The following TTLL11 variants were observed in gnomAD, a reference collection of about 807,000 sequenced individuals.
TTLL11 encodes the protein tubulin polyglutamylase TTLL11.
A neutral mutation model predicts 51.7 loss-of-function variants in TTLL11; 42 were observed. The observed-to-expected ratio is 0.81, with a 90% CI of 0.64 to 1.05. The LOEUF is 1.05. Among genes scored for constraint, TTLL11 ranks in the 50% least tolerant of loss-of-function variants. The probability of loss-of-function intolerance (pLI) is 0.00; values close to 1 mark genes in which losing one functional copy is unlikely to be tolerated. For synonymous variants in TTLL11, 381 were observed against 383.5 expected (o/e 0.99, Z 0.08); for missense variants, 799 against 940.4 (o/e 0.85, Z 1.97).
At chr9:121,982,801 G>C (rs991137820) in intron 4 of TTLL11, among the ~76,000 whole-genome samples, 30 of 152,162 alleles carry the variant, frequency 2.0e-4, no homozygotes, top group South Asian at 4.2e-4. Context: ...AAGAACAAAG[G>C]CCTCTTCCAA....
intron 6 of TTLL11, among the ~76,000 whole-genome samples, chr9:121,886,915 C>T (rs79837373): frequency 1.2e-3 from 183 of 152,326 alleles, no homozygotes; most frequent in African/African-American, 4.1e-3. Flanking sequence ...TCAGAACCCA[C>T]GAGCCAGAAG....
At chr9:122,074,583 G>C (rs748634881) in intron 1 of TTLL11, among the ~76,000 whole-genome samples, 15 of 151,948 alleles carry the variant, frequency 9.9e-5, no homozygotes, top group Admixed American at 6.6e-4. Context: ...AGTATGTATT[G>C]TTCCCCTTTG....
At chr9:121,907,250 G>A (rs1457974661) in intron 6 of TTLL11, among the ~76,000 whole-genome samples, 1 of 152,058 alleles carries the variant, frequency 6.6e-6, no homozygotes, top group Non-Finnish European at 1.5e-5. Flanking sequence ...AGGGGTTCGA[G>A]ACCAGCCTGA....
chr9:122,006,340 C>CAAAAA lies in TTLL11; in HGVS notation c.694-16575_694-16571dup, dbSNP rs5900505. Among the ~76,000 whole-genome samples the CAAAAA allele has an allele frequency of 1.8e-3, 254 of 138,930 alleles. 2 individuals carry two copies. The highest frequency in any genetic ancestry group is 6.2e-3 in the African/African-American group (237 of 38,378). 91.1% of individuals were successfully genotyped at this position (138,930 alleles called of 152,430 possible). A position where few individuals can be genotyped will look rare whatever the true frequency, so the allele number is the denominator to read the frequency against. Reference sequence around the variant, plus strand: ...CCTGGGTAACAGAGTGAGACTATCTCAAAAAAAAAAAAAGAATTATGTAAA... The same window carrying CAAAAA: ...CCTGGGTAACAGAGTGAGACTATCTCAAAAAAAAAAAAAAAAAAGAATTATGTAAA... On this transcript the variant is annotated intron_variant, in intron 3 of 8. Coordinates refer to ENST00000321582, the MANE Select transcript of TTLL11 (RefSeq NM_001139442.2).
chr9:121,998,297 G>GT (rs748784657), intron 3 of TTLL11, among the ~76,000 whole-genome samples: 8 of 151,818 alleles, frequency 5.3e-5, no homozygotes, highest in South Asian at 2.1e-4. Flanking sequence ...TGTTTGTTTT[G>GT]TTTTTTTGAG....
chr9:121,932,328 C>T (rs143477857), intron 6 of TTLL11, among the ~76,000 whole-genome samples: 2 of 152,302 alleles, frequency 1.3e-5, no homozygotes, highest in Admixed American at 6.5e-5. Flanking sequence ...TTTCTAAGAA[C>T]ACTGTATTCT....
rs866366344 is a variant in TTLL11, at chr9:122,017,587, C to T, written c.693+14136G>A. ...AAACAATTCTCCTGCCTCAGCCTCC[C>T]GAGTAGCTGGGATTACAGGCACCCA... On this transcript the variant is annotated intron_variant, in intron 3 of 8. Transcript: ENST00000321582. Among the ~76,000 whole-genome samples the T allele has an allele frequency of 2.6e-5, 4 of 151,712 alleles. No homozygotes were observed. In the East Asian group the frequency reaches 5.8e-4, roughly 22 times the overall value.
intron 6 of TTLL11, among the ~76,000 whole-genome samples, chr9:121,918,738 A>G (rs1262693398): frequency 6.6e-6 from 1 of 152,278 alleles, no homozygotes; most frequent in Non-Finnish European, 1.5e-5. Context: ...CACAGAATGT[A>G]GAAATAAACT....
chr9:122,037,773 T>C (rs1844743234), intron 2 of TTLL11, among the ~76,000 whole-genome samples: 1 of 152,194 alleles, frequency 6.6e-6, no homozygotes, highest in South Asian at 2.1e-4. Context: ...AGAGAAATGC[T>C]TGACACTGAC....
At chr9:122,092,576 C>A in intron 1 of TTLL11, 111 bp downstream of exon 1, 1 of 1,470,844 alleles carries the variant, frequency 6.8e-7, no homozygotes, top group South Asian at 1.4e-5. Context: ...GCGTGGTGCA[C>A]CGCAGGAGCT....
At chr9:122,006,968 C>T (rs1161990348) in intron 3 of TTLL11, among the ~76,000 whole-genome samples, 1 of 109,232 alleles carries the variant, frequency 9.2e-6, no homozygotes, top group Non-Finnish European at 1.7e-5. Flanking sequence ...GGTGGCAGAG[C>T]GAGATACTCT....
intron 6 of TTLL11, among the ~76,000 whole-genome samples, chr9:121,914,214 G>T (rs1840242320): frequency 6.6e-6 from 1 of 152,196 alleles, no homozygotes; most frequent in South Asian, 2.1e-4. Context: ...TGGAACACAG[G>T]CACAGCTATT....
intron 1 of TTLL11, among the ~76,000 whole-genome samples, chr9:122,060,344 C>T (rs1378180196): frequency 6.6e-6 from 1 of 152,208 alleles, no homozygotes; most frequent in Non-Finnish European, 1.5e-5. Context: ...CACATGTAGT[C>T]TCTTATATGA....
In TTLL11 at chr9:122,024,723, G is replaced by A. The variant is rs146124542; in HGVS notation, c.693+7000C>T. Among the ~76,000 whole-genome samples, 667 of 152,208 alleles carry A rather than the reference G, an allele frequency of 4.4e-3. 3 individuals carry two copies. The highest frequency in any genetic ancestry group is 0.015 in the African/African-American group (626 of 41,546). ...ATGTTTCTGGAACAACTGGATATTC[G>A]TATGCAAAAAAGTGAACTTCAACCC... On this transcript the variant is annotated intron_variant, in intron 3 of 8. Transcript: ENST00000321582.
At chr9:121,857,231 C>T (rs975710018) in intron 8 of TTLL11, among the ~76,000 whole-genome samples, 1 of 152,252 alleles carries the variant, frequency 6.6e-6, no homozygotes, top group African/African-American at 2.4e-5. Flanking sequence ...GTCCTCCCAG[C>T]AGGCCCTGTG....
chr9:121,914,997 G>A (rs1268958916), intron 6 of TTLL11, among the ~76,000 whole-genome samples: 1 of 152,150 alleles, frequency 6.6e-6, no homozygotes, highest in Non-Finnish European at 1.5e-5. Flanking sequence ...ACCAGTGCTA[G>A]GGACCCAGGT....
chr9:122,049,307 A>G (rs563456643), intron 1 of TTLL11, among the ~76,000 whole-genome samples: 2 of 152,338 alleles, frequency 1.3e-5, no homozygotes, highest in South Asian at 4.1e-4. Flanking sequence ...GATAAAGATT[A>G]TGATATAGGT....
chr9:122,014,700 G>A (rs1843913279), intron 3 of TTLL11, among the ~76,000 whole-genome samples: 1 of 152,192 alleles, frequency 6.6e-6, no homozygotes, highest in Non-Finnish European at 1.5e-5. Flanking sequence ...CAGAAGATGT[G>A]GGTCTTAGTC....
At chr9:121,851,349 G>GT (rs1274722149) in intron 8 of TTLL11, among the ~76,000 whole-genome samples, 1 of 152,098 alleles carries the variant, frequency 6.6e-6, no homozygotes, top group African/African-American at 2.4e-5. Context: ...ATATACCAAG[G>GT]TTTTTCCATT....
Sources: allele counts gnomAD v4.1 joint callset (sites outside exome capture counted in the v4.1 genomes callset), GRCh38; gene constraint gnomAD v4.1.1; transcripts MANE v1.5; gene names NCBI Gene and HGNC (gene_info 2026-07-23, HGNC 2026-07-21).